The following GPHN variants were observed in gnomAD, a reference collection of about 807,000 sequenced individuals.
GPHN encodes gephyrin.
Under a neutral mutation model 95.5 loss-of-function variants are expected in GPHN, and 17 were observed. The ratio of observed to expected loss-of-function variants is 0.18; its 90% confidence interval spans 0.12 to 0.27. The LOEUF (loss-of-function observed/expected upper bound fraction) is 0.27. Ranked by LOEUF, GPHN falls within the 10% of genes least tolerant of loss-of-function variation. The probability of loss-of-function intolerance (pLI) is 1.00; values close to 1 mark genes in which losing one functional copy is unlikely to be tolerated. For missense variants in GPHN, 660 were observed against 978.1 expected (o/e 0.67, Z 4.34); for synonymous variants, 320 against 322.5 (o/e 0.99, Z 0.08).
intron 11 of GPHN, among the ~76,000 whole-genome samples, chr14:67,060,942 A>C (rs887766814): frequency 6.6e-6 from 1 of 152,210 alleles, no homozygotes; most frequent in Admixed American, 6.5e-5. Context: ...GACAAATACT[A>C]AACTTATTTT....
At chr14:66,642,835 C>A (rs2064502255) in intron 1 of GPHN, among the ~76,000 whole-genome samples, 2 of 151,708 alleles carry the variant, frequency 1.3e-5, no homozygotes, top group African/African-American at 4.8e-5. Flanking sequence ...ACATAAAAAT[C>A]CATTTTAGGT....
At chr14:66,637,426 C>T (rs1481155800) in intron 1 of GPHN, among the ~76,000 whole-genome samples, 2 of 151,944 alleles carry the variant, frequency 1.3e-5, no homozygotes, top group African/African-American at 4.8e-5. Flanking sequence ...AATTTTATGT[C>T]ATCAGAAAAT....
chr14:67,574,433 A>G, the GPHN span: 14 of 1,467,072 alleles, frequency 9.5e-6, no homozygotes, highest in African/African-American at 1.4e-5. This position sits in a 1 kb window ranked among gnomAD's most constrained non-coding sequence, Gnocchi z 4.2. Context: ...GGGCAGGAAC[A>G]TGTGCCTCCT....
chr14:67,644,444 C>A, the GPHN span, among the ~76,000 whole-genome samples: 1,729 of 152,284 alleles, frequency 0.011, 13 homozygotes, highest in Non-Finnish European at 0.017. Context: ...TTTCACTAGA[C>A]CATGCTATTC....
rs192735963 is a variant in GPHN, at chr14:66,770,572, T to C, written c.144-5892T>C. Among the ~76,000 whole-genome samples the C allele has an allele frequency of 5.4e-3, 821 of 152,326 alleles. 7 individuals carry two copies. Among genetic ancestry groups the C allele is most frequent in the Admixed American group, 9.5e-3 (145 of 15,298 alleles). On this transcript the variant is annotated intron_variant, in intron 2 of 22. Transcript: ENST00000478722. ...AACCCTTCTATTGTGCAATATGTTA[T>C]ATACACATATCACAGCTTTTTACCT...
intron 1 of GPHN, among the ~76,000 whole-genome samples, chr14:66,551,443 T>C (rs1428417904): frequency 6.6e-6 from 1 of 152,234 alleles, no homozygotes; most frequent in Non-Finnish European, 1.5e-5. Context: ...CCCATTTTAC[T>C]CTAGATGTCA....
the GPHN span, chr14:67,572,099 TG>T: frequency 6.3e-7 from 1 of 1,588,066 alleles, no homozygotes; most frequent in South Asian, 1.2e-5. Context: ...CGGGGAGGTG[TG>T]GGACCCGGGC....
the GPHN span, among the ~76,000 whole-genome samples, chr14:67,720,124 A>G: frequency 5.9e-5 from 9 of 152,346 alleles, no homozygotes; most frequent in South Asian, 2.1e-4. Flanking sequence ...TGGCAATCTG[A>G]TAAGTGAAAA....
intron 11 of GPHN, among the ~76,000 whole-genome samples, chr14:67,074,921 C>T (rs1055755491): frequency 1.3e-5 from 2 of 152,154 alleles, no homozygotes; most frequent in African/African-American, 4.8e-5. Context: ...CAAGGTGAAG[C>T]AGCAAATACT....
At chr14:66,640,352 G>T (rs545591897) in intron 1 of GPHN, among the ~76,000 whole-genome samples, 125 of 152,220 alleles carry the variant, frequency 8.2e-4, no homozygotes, top group Non-Finnish European at 1.5e-3. Context: ...AACCTTGGAG[G>T]CAAAGGTTGC....
intron 16 of GPHN, among the ~76,000 whole-genome samples, chr14:67,118,165 T>G (rs2033550619): frequency 6.6e-6 from 1 of 152,292 alleles, no homozygotes; most frequent in Non-Finnish European, 1.5e-5. Flanking sequence ...TTAGTTAACA[T>G]GTATACCTCG....
rs2076679135 is a variant in GPHN, at chr14:67,081,122, AC to A, written c.1145-7858del. Among the ~76,000 whole-genome samples the A allele has an allele frequency of 2.6e-5, 4 of 152,308 alleles. No individual in the cohort carries two copies. The South Asian group carries it at 8.3e-4, about 32-fold the overall frequency. On this transcript the variant is annotated intron_variant, in intron 11 of 22. Transcript: ENST00000478722. ...ATTACTTCTTTTCCTCTGGGTAGAT[AC>A]CCAGTAGTGGGATTGCTGGATCAAG...
the GPHN span, chr14:67,292,740 G>T: frequency 6.3e-7 from 1 of 1,585,712 alleles, no homozygotes; most frequent in Non-Finnish European, 8.7e-7. Flanking sequence ...TAAACATCTT[G>T]TTGATGTCTA....
chr14:66,509,041 C>A (rs1566732007), intron 1 of GPHN: 2 of 232,490 alleles, frequency 8.6e-6, no homozygotes, highest in East Asian at 2.4e-4. Context: ...CTTCCCCCCA[C>A]CTGGGCGGCC....
intron 4 of GPHN, among the ~76,000 whole-genome samples, chr14:66,859,775 T>G (rs1596176680): frequency 1.3e-5 from 2 of 152,246 alleles, no homozygotes; most frequent in South Asian, 2.1e-4. Context: ...GCAAAGAGAT[T>G]GAAATAATAA....
intron 4 of GPHN, among the ~76,000 whole-genome samples, chr14:66,828,396 G>A (rs112271307): frequency 0.016 from 2,379 of 152,046 alleles, 33 homozygotes; most frequent in Non-Finnish European, 0.018. Flanking sequence ...ATTATATACT[G>A]ATTTGTCTGT....
chr14:67,603,340 G>A, the GPHN span, among the ~76,000 whole-genome samples: 4 of 152,204 alleles, frequency 2.6e-5, no homozygotes, highest in East Asian at 5.8e-4. Context: ...AAAGAGTTGG[G>A]ATTACAGGCA....
At chr14:67,033,240 GAAA>G (rs1211463368) in intron 10 of GPHN, among the ~76,000 whole-genome samples, 1 of 151,548 alleles carries the variant, frequency 6.6e-6, no homozygotes, top group Non-Finnish European at 1.5e-5. Context: ...GGAGCAAAAA[GAAA>G]AAAAAGGAAC....
chr14:67,374,172 C>G, the GPHN span, among the ~76,000 whole-genome samples: 1 of 152,114 alleles, frequency 6.6e-6, no homozygotes, highest in African/African-American at 2.4e-5. Context: ...ACATGACACT[C>G]AAAGGAAATG....
Sources: allele counts gnomAD v4.1 joint callset (sites outside exome capture counted in the v4.1 genomes callset), GRCh38; gene constraint gnomAD v4.1.1; non-coding constraint Gnocchi (gnomAD v3.1); transcripts MANE v1.5; gene names NCBI Gene and HGNC (gene_info 2026-07-23, HGNC 2026-07-21).